The following KCTD18 variants were observed in gnomAD, a reference collection of about 807,000 sequenced individuals.
KCTD18 encodes the protein BTB/POZ domain-containing protein KCTD18.
In KCTD18, 22 loss-of-function variants were observed where a neutral mutation model predicts 30.4. The observed-to-expected ratio is 0.72, with a 90% CI of 0.52 to 1.03. KCTD18 has a LOEUF of 1.03. Among genes scored for constraint, KCTD18 ranks in the 50% least tolerant of loss-of-function variants. The pLI is 0.00. For missense variants in KCTD18, 529 were observed against 547.6 expected, an observed-to-expected ratio of 0.97 and a Z score of 0.34; for synonymous variants, 186 against 209.0, an observed-to-expected ratio of 0.89 and a Z score of 0.95.
Position 200,489,994 on chromosome 2 carries a change from A to G in KCTD18, c.*106T>C. On this transcript the variant is annotated 3_prime_UTR_variant, in exon 7 of 7. Coordinates refer to ENST00000359878, the MANE Select transcript of KCTD18 (RefSeq NM_152387.4). ...ATTCCAGGAACAGAATCCTCAACAT[A>G]AACCTAAGCTTCCCCTCTGCTGCAT... 7 of 1,206,568 alleles carry G rather than the reference A, an allele frequency of 5.8e-6. No individual in the cohort carries two copies. In the South Asian group the frequency reaches 1.1e-4, roughly 20 times the overall value. The allele number at this position is 1,206,568 out of a possible 1,614,324, so 74.7% of individuals were successfully genotyped here. A position where few individuals can be genotyped will look rare whatever the true frequency, so the allele number is the denominator to read the frequency against.
chr2:200,493,529 G>A (rs892417382), intron 5 of KCTD18, among the ~76,000 whole-genome samples: 2 of 152,196 alleles, frequency 1.3e-5, no homozygotes, highest in Non-Finnish European at 2.9e-5. Flanking sequence ...AGGTTATGAT[G>A]CATACTCAGG....
Position 200,504,880 on chromosome 2 carries a change from T to A in KCTD18, c.240A>T (p.Thr80=). The part of the protein sequence containing the change: ...DYLHGEVQIP[T]DEQTRIALQE... ...GTAGGGCGATGCGGGTTTGCTCATC[T>A]GTGGGAATCTGAACTTCTCCATGAA... The change falls in exon 3 of 7, where the codon ACA becomes ACT. Residue 80 remains threonine (T), a synonymous_variant. Coordinates refer to ENST00000359878, the MANE Select transcript of KCTD18 (RefSeq NM_152387.4). 6.2e-7 allele frequency: 1 copy of A among 1,614,206 alleles called. No individual in the cohort carries two copies. The highest frequency in any genetic ancestry group is 8.5e-7 in the Non-Finnish European group (1 of 1,180,022).
intron 1 of KCTD18, among the ~76,000 whole-genome samples, chr2:200,508,337 AC>A (rs1346622994): frequency 6.6e-6 from 1 of 151,886 alleles, no homozygotes; most frequent in Non-Finnish European, 1.5e-5. Context: ...TGATCCACCC[AC>A]CTCGGCCTCC....
chr2:200,498,538 T>C (rs2088032555), intron 4 of KCTD18, among the ~76,000 whole-genome samples: 1 of 152,228 alleles, frequency 6.6e-6, no homozygotes, highest in Non-Finnish European at 1.5e-5. Context: ...TGCTGACTTC[T>C]TCTGCCAATG....
rs1230225500 is a variant in KCTD18, at chr2:200,493,169, A to G, written c.764+3T>C. 1 of 1,572,278 alleles carries G rather than the reference A, an allele frequency of 6.4e-7. No individual in the cohort carries two copies. The highest frequency in any genetic ancestry group is 8.8e-7 in the Non-Finnish European group (1 of 1,141,884). On this transcript the variant is annotated splice_donor_region_variant and intron_variant, in intron 6 of 6. Transcript: ENST00000359878. ...AACAAATAAACAACACAGCATAGAT[A>G]ACCTCTTTCGAATTGGAGCCATGTG...
rs976858538 is a variant in KCTD18, at chr2:200,489,474, T to C, written c.*626A>G. On this transcript the variant is annotated 3_prime_UTR_variant, in exon 7 of 7. Coordinates refer to ENST00000359878, the MANE Select transcript of KCTD18 (RefSeq NM_152387.4). ...TCTTCTTGTGGTGTTTATAAATAAA[T>C]CTACTAACAGAAAAGAGTAAGAAAA... 2 of 152,206 alleles carry C rather than the reference T, an allele frequency of 1.3e-5. No homozygotes were observed. The highest frequency in any genetic ancestry group is 4.8e-5 in the African/African-American group (2 of 41,444). 9.4% of individuals were successfully genotyped at this position (152,206 alleles called of 1,614,324 possible). A position where few individuals can be genotyped will look rare whatever the true frequency, so the allele number is the denominator to read the frequency against.
At chr2:200,502,425 T>C (rs2029904660) in intron 3 of KCTD18, among the ~76,000 whole-genome samples, 1 of 152,220 alleles carries the variant, frequency 6.6e-6, no homozygotes, top group African/African-American at 2.4e-5. Flanking sequence ...TTCTACTGAC[T>C]AACCCCATGG....
intron 3 of KCTD18, among the ~76,000 whole-genome samples, chr2:200,501,166 T>TA (rs1389892221): frequency 6.6e-6 from 1 of 152,138 alleles, no homozygotes; most frequent in Non-Finnish European, 1.5e-5. Context: ...ACGTTAGACC[T>TA]AAAACCATGA....
chr2:200,501,153 T>TA (rs1341516348), intron 3 of KCTD18, among the ~76,000 whole-genome samples: 1 of 152,142 alleles, frequency 6.6e-6, no homozygotes, highest in Non-Finnish European at 1.5e-5. Flanking sequence ...ATTAAAGACT[T>TA]AAACGTTAGA....
At position 200,499,011 on chromosome 2, in the gene KCTD18, T is replaced by C. The variant is rs2088041593; in HGVS notation, c.446A>G (p.Asn149Ser). 6.2e-7 allele frequency: 1 copy of C among 1,614,034 alleles called. No individual in the cohort carries two copies. Among genetic ancestry groups the C allele is most frequent in the Non-Finnish European group, 8.5e-7 (1 of 1,179,912 alleles). ...KPTVWVLHYL[N>S]TSGASCESRI... is the part of the protein sequence containing the mutation. ...ACTCTCACAGCTTGCACCAGATGTG[T>C]TAAGATAGTGGAGAACCCAAACTGT... Residue 149 changes from asparagine (N) to serine (S), a missense_variant, in exon 4 of 7, where the codon AAC (asparagine) becomes AGC (serine). Asn to Ser is a conservative substitution (Grantham distance 46). Coordinates refer to ENST00000359878, the MANE Select transcript of KCTD18 (RefSeq NM_152387.4).
At chr2:200,498,693 T>C (rs2088035466) in intron 4 of KCTD18, among the ~76,000 whole-genome samples, 198 bp downstream of exon 4, 1 of 152,232 alleles carries the variant, frequency 6.6e-6, no homozygotes, top group Admixed American at 6.5e-5. Flanking sequence ...GGCATGCAGC[T>C]TATCCATACT....
In KCTD18 at chr2:200,499,104, T is replaced by G. The variant is rs1450016287; in HGVS notation, c.373-20A>C. 6.5e-7 allele frequency: 1 copy of G among 1,540,328 alleles called. No homozygotes were observed. The highest frequency in any genetic ancestry group is 8.8e-7 in the Non-Finnish European group (1 of 1,139,936). ...TAAAGCCTAAAGCAAAAAGTATATA[T>G]AAAATTTGAATTTAATTCTAGAGTA... is the stretch of plus-strand genomic sequence containing the variant. On this transcript the variant is annotated intron_variant, in intron 3 of 6. Coordinates refer to ENST00000359878, the MANE Select transcript of KCTD18 (RefSeq NM_152387.4).
intron 2 of KCTD18, among the ~76,000 whole-genome samples, chr2:200,505,247 T>A (rs2030127613): frequency 6.6e-6 from 1 of 152,204 alleles, no homozygotes; most frequent in African/African-American, 2.4e-5. Flanking sequence ...ATACTGCACA[T>A]AAGTTTGAAT....
intron 3 of KCTD18, among the ~76,000 whole-genome samples, chr2:200,504,180 C>T (rs529193539): frequency 2.6e-5 from 4 of 152,242 alleles, no homozygotes; most frequent in South Asian, 4.1e-4. Flanking sequence ...AAGAATTGGC[C>T]GGGTGCAGTG....
chr2:200,503,510 C>T (rs2029986254), intron 3 of KCTD18, among the ~76,000 whole-genome samples: 1 of 152,028 alleles, frequency 6.6e-6, no homozygotes, highest in South Asian at 2.1e-4. Context: ...CATGCTGTGT[C>T]CTTTTTGAAT....
chr2:200,497,661 T>G, intron 5 of KCTD18, 92 bp downstream of exon 5: 2 of 866,898 alleles, frequency 2.3e-6, no homozygotes, highest in South Asian at 1.4e-5. Flanking sequence ...AAAAGAATAC[T>G]TTCTAAAAAA....
chr2:200,504,656 G>T, intron 3 of KCTD18, 92 bp downstream of exon 3: 1 of 904,980 alleles, frequency 1.1e-6, no homozygotes, highest in Non-Finnish European at 1.7e-6. Context: ...ATCTTGTTTG[G>T]TTAATGTGAA....
intron 3 of KCTD18, 125 bp downstream of exon 3, chr2:200,504,623 T>C: frequency 6.8e-6 from 5 of 730,894 alleles, no homozygotes; most frequent in Non-Finnish European, 8.7e-6. Flanking sequence ...TAAAGAAACA[T>C]GTCTTCAAAA....
chr2:200,490,746 G>T, intron 6 of KCTD18, 130 bp from the exon 7 acceptor site: 1 of 908,848 alleles, frequency 1.1e-6, no homozygotes, highest in Non-Finnish European at 1.6e-6. Context: ...AGGTTTATGG[G>T]CACCTACCTC....
Sources: allele counts gnomAD v4.1 joint callset (sites outside exome capture counted in the v4.1 genomes callset), GRCh38; gene constraint gnomAD v4.1.1; transcripts MANE v1.5; gene names NCBI Gene and HGNC (gene_info 2026-07-23, HGNC 2026-07-21).